Variants in FBXO25 observed in about 807,000 individuals in gnomAD.
FBXO25 encodes the protein F-box protein 25.
FBXO25 carries 45 observed loss-of-function variants against 51.9 expected under a neutral mutation model. The observed-to-expected ratio is 0.87, with a 90% confidence interval of 0.68 to 1.11. The LOEUF (loss-of-function observed/expected upper bound fraction) is 1.11. Ranked by LOEUF, FBXO25 falls within the 50% of genes most tolerant of loss-of-function variation. FBXO25 has a pLI of 0.00. For synonymous variants in FBXO25, 199 were observed against 151.0 expected, an observed-to-expected ratio of 1.32 and a Z score of -2.33; for missense variants, 507 against 428.5, an observed-to-expected ratio of 1.18 and a Z score of -1.62.
Position 474,935 on chromosome 8 carries a change from C to T in FBXO25, c.*6131C>T, listed in dbSNP as rs763825710. On this transcript the variant is annotated 3_prime_UTR_variant, in exon 10 of 10. Transcript: ENST00000350302. ...CATTTTAAAATACTTTGTCCCATTC[C>T]GTGGATTGCCTTTCACTCTGTTTTG... 2.2e-5 allele frequency: 10 copies of T among 451,064 alleles called. No individual in the cohort carries two copies. Among genetic ancestry groups the T allele is most frequent in the Non-Finnish European group, 4.0e-5 (9 of 226,006 alleles). 27.9% of individuals were successfully genotyped at this position (451,064 alleles called of 1,614,324 possible).
At chr8:458,628 C>T in intron 8 of FBXO25, 77 bp downstream of exon 8, 1 of 1,368,454 alleles carries the variant, frequency 7.3e-7, no homozygotes. Context: ...TATAAACTCA[C>T]CTGGAGAGAA....
chr8:408,858 T>C (rs535788364), intron 1 of FBXO25, among the ~76,000 whole-genome samples: 1 of 152,338 alleles, frequency 6.6e-6, no homozygotes, highest in South Asian at 2.1e-4. Context: ...TGCTTAAAAT[T>C]TGCAAATTAT....
At chr8:458,270 C>A in intron 7 of FBXO25, 99 bp from the exon 8 acceptor site, 1 of 1,352,908 alleles carries the variant, frequency 7.4e-7, no homozygotes, top group South Asian at 1.4e-5. Context: ...TTTTGTGTTA[C>A]CATGTTTTGA....
chr8:458,903 C>T (rs919268366), intron 8 of FBXO25, among the ~76,000 whole-genome samples: 4 of 152,194 alleles, frequency 2.6e-5, no homozygotes, highest in African/African-American at 7.2e-5. Context: ...CCAAGCTGCA[C>T]ATCCTTGAAA....
intron 9 of FBXO25, among the ~76,000 whole-genome samples, chr8:465,194 G>GC (rs3214778): frequency 0.13 from 19,523 of 152,022 alleles, 1,692 homozygotes; most frequent in East Asian, 0.28. Flanking sequence ...AGGGAACAGG[G>GC]CCCCCCTTCT....
At chr8:467,032 C>G (rs1393101792) in intron 9 of FBXO25, among the ~76,000 whole-genome samples, 3 of 152,142 alleles carry the variant, frequency 2.0e-5, no homozygotes, top group Non-Finnish European at 2.9e-5. Flanking sequence ...ACGTTCACCC[C>G]ACAGGCCTGT....
intron 5 of FBXO25, among the ~76,000 whole-genome samples, chr8:444,848 T>G (rs888554607): frequency 6.6e-5 from 10 of 152,264 alleles, no homozygotes; most frequent in South Asian, 2.1e-4. Flanking sequence ...GTCTGTAGCC[T>G]AGCTGTGTAG....
intron 2 of FBXO25, among the ~76,000 whole-genome samples, chr8:413,802 C>T (rs769876663): frequency 6.6e-5 from 10 of 152,276 alleles, no homozygotes; most frequent in Non-Finnish European, 1.3e-4. Flanking sequence ...ATCACGTTGC[C>T]CACACCTTGT....
At chr8:440,009 T>C (rs1431841604) in intron 5 of FBXO25, among the ~76,000 whole-genome samples, 3 of 152,324 alleles carry the variant, frequency 2.0e-5, no homozygotes, top group African/African-American at 4.8e-5. Flanking sequence ...GACTACTCCA[T>C]AGTAGCAACT....
At position 474,030 on chromosome 8, in the gene FBXO25, G is replaced by C. The variant is rs552977114; in HGVS notation, c.*5226G>C. 3 of 152,164 alleles carry C rather than the reference G, an allele frequency of 2.0e-5. No homozygotes were observed. Among genetic ancestry groups the C allele is most frequent in the Non-Finnish European group, 4.4e-5 (3 of 68,090 alleles). 9.4% of individuals were successfully genotyped at this position (152,164 alleles called of 1,614,324 possible). A position where few individuals can be genotyped will look rare whatever the true frequency, so the allele number is the denominator to read the frequency against. ...CATACTGTGCAACCTTCTCTACCAC[G>C]TATCCACAAGTTCAACTTTACAAGA... On this transcript the variant is annotated 3_prime_UTR_variant, in exon 10 of 10. Coordinates refer to ENST00000350302, the MANE Select transcript of FBXO25 (RefSeq NM_183420.2).
chr8:412,210 C>T (rs1796519287), intron 1 of FBXO25, among the ~76,000 whole-genome samples: 1 of 152,212 alleles, frequency 6.6e-6, no homozygotes, highest in South Asian at 2.1e-4. Context: ...ATTAATATCC[C>T]TTATCTCTCC....
chr8:460,555 G>C (rs78473983), intron 8 of FBXO25, among the ~76,000 whole-genome samples: 2,555 of 152,320 alleles, frequency 0.017, 63 homozygotes, highest in African/African-American at 0.059. Context: ...ACTGGTTCAA[G>C]ATAATATGGA....
chr8:458,366 C>T lies in FBXO25; in HGVS notation c.661-3C>T. The T allele has an allele frequency of 6.2e-7, 1 of 1,611,874 alleles. No individual in the cohort carries two copies. The stretch of plus-strand genomic sequence containing the variant: ...GTGAGTTGCTGTTGTGTTTTCCTTT[C>T]AGCAAGTGAACAATGGCCTCACCCT... On this transcript the variant is annotated splice_polypyrimidine_tract_variant and splice_region_variant and intron_variant, in intron 7 of 9. Transcript: ENST00000350302.
intron 2 of FBXO25, among the ~76,000 whole-genome samples, chr8:419,740 T>A (rs1797037370): frequency 6.6e-6 from 1 of 152,174 alleles, no homozygotes; most frequent in African/African-American, 2.4e-5. Context: ...GTCTGCATGA[T>A]CTTGGGCAGA....
At chr8:439,022 A>T (rs563750310) in intron 5 of FBXO25, among the ~76,000 whole-genome samples, 3 of 152,200 alleles carry the variant, frequency 2.0e-5, no homozygotes, top group Non-Finnish European at 4.4e-5. Context: ...GTGTGTCCCA[A>T]CTGCAGTGAG....
intron 6 of FBXO25, chr8:451,043 G>T (rs1430348916): frequency 7.3e-6 from 3 of 412,490 alleles, no homozygotes; most frequent in Non-Finnish European, 1.3e-5. Flanking sequence ...TTGTCCTTTT[G>T]TAGCTAGCTT....
rs1439029195 is a variant in FBXO25 at position 477,092 on chromosome 8, T to C, written c.*8288T>C. 2 of 152,262 alleles carry C rather than the reference T, an allele frequency of 1.3e-5. No individual in the cohort carries two copies. Among genetic ancestry groups the C allele is most frequent in the African/African-American group, 4.8e-5 (2 of 41,470 alleles). The allele number at this position is 152,262 out of a possible 1,614,324, so 9.4% of individuals were successfully genotyped here. On this transcript the variant is annotated 3_prime_UTR_variant, in exon 10 of 10. Transcript: ENST00000350302. The stretch of plus-strand genomic sequence containing the variant: ...TTAATTTTCACATAATTGTGTACTT[T>C]TCAGTTTTTTGTCTGTTACTGATTT...
chr8:454,618 G>C (rs556043145), intron 7 of FBXO25, among the ~76,000 whole-genome samples: 2 of 152,318 alleles, frequency 1.3e-5, no homozygotes, highest in South Asian at 4.1e-4. Flanking sequence ...TGGGCCGGGC[G>C]CGATGGCTCA....
intron 5 of FBXO25, among the ~76,000 whole-genome samples, chr8:440,581 CTTTT>C (rs938515194): frequency 6.6e-6 from 1 of 151,260 alleles, no homozygotes; most frequent in African/African-American, 2.4e-5. Context: ...CGTCATATGA[CTTTT>C]TTTTAAATTT....
Sources: gnomAD v4.1 joint callset for allele counts (sites outside exome capture counted in the v4.1 genomes callset) on GRCh38, gnomAD v4.1.1 for gene constraint, MANE v1.5 for transcripts, NCBI Gene and HGNC (gene_info 2026-07-23, HGNC 2026-07-21) for gene names.